The following TTC29 variants were observed in gnomAD, a reference collection of about 807,000 sequenced individuals.
TTC29 encodes the protein tetratricopeptide repeat protein 29.
Under a neutral mutation model 58.1 loss-of-function variants are expected in TTC29, and 49 were observed. The observed-to-expected ratio is 0.84, with a 90% confidence interval of 0.67 to 1.07. The LOEUF (loss-of-function observed/expected upper bound fraction) is 1.07. Among genes scored for constraint, TTC29 ranks in the 50% least tolerant of loss-of-function variants. The probability of loss-of-function intolerance (pLI) is 0.00; values close to 1 mark genes in which losing one functional copy is unlikely to be tolerated. For missense variants in TTC29, 582 were observed against 555.6 expected (o/e 1.05, Z -0.48); for synonymous variants, 209 against 196.8 (o/e 1.06, Z -0.52).
At chr4:146,812,689 C>G (rs991692599) in intron 10 of TTC29, 1 of 152,126 alleles carries the variant, frequency 6.6e-6, no homozygotes, top group Non-Finnish European at 1.5e-5. Context: ...TCTAGTTTCT[C>G]TATTTTAAAA....
At chr4:146,815,234 T>C (rs1751319721) in intron 10 of TTC29, among the ~76,000 whole-genome samples, 1 of 152,116 alleles carries the variant, frequency 6.6e-6, no homozygotes, top group Admixed American at 6.5e-5. Context: ...TGTCATAAAC[T>C]GATGTGACAG....
At chr4:146,755,149 AC>A (rs1463172902) in intron 11 of TTC29, among the ~76,000 whole-genome samples, 13 of 152,284 alleles carry the variant, frequency 8.5e-5, no homozygotes, top group South Asian at 2.1e-4. Context: ...GCATAAAAAA[AC>A]ATAGGAATAA....
intron 11 of TTC29, among the ~76,000 whole-genome samples, chr4:146,748,420 T>C (rs1441649446): frequency 6.6e-6 from 1 of 152,000 alleles, no homozygotes; most frequent in Non-Finnish European, 1.5e-5. Context: ...CCACTGCCAC[T>C]CCAAACACCT....
chr4:146,899,585 G>A (rs900572021), intron 6 of TTC29, among the ~76,000 whole-genome samples: 9 of 152,092 alleles, frequency 5.9e-5, no homozygotes, highest in South Asian at 4.1e-4. Context: ...AGGCCATGCC[G>A]CACACCAAAG....
rs149440898 is a variant in TTC29 at position 146,875,073 on chromosome 4, T to C, written c.587-145A>G. ...TTCTAAGGCTGAAGATGAATTAAAC[T>C]GGGAAAGGAGTGATCTCTAATTGGA... On this transcript the variant is annotated intron_variant, in intron 6 of 12. Coordinates refer to ENST00000325106, the MANE Select transcript of TTC29 (RefSeq NM_031956.4). The C allele has an allele frequency of 2.1e-4, 142 of 668,298 alleles. No individual in the cohort carries two copies. The African/African-American group carries it at 2.2e-3, about 10-fold the overall frequency. The allele number at this position is 668,298 out of a possible 1,614,324, so 41.4% of individuals were successfully genotyped here.
intron 11 of TTC29, among the ~76,000 whole-genome samples, chr4:146,753,526 A>G (rs989076137): frequency 3.3e-5 from 5 of 152,240 alleles, no homozygotes; most frequent in Admixed American, 6.5e-5. Flanking sequence ...TAGAAATACC[A>G]TTTGACCCAG....
chr4:146,849,797 C>T (rs1031531083), intron 8 of TTC29, among the ~76,000 whole-genome samples: 2 of 152,146 alleles, frequency 1.3e-5, no homozygotes, highest in African/African-American at 2.4e-5. Context: ...GGCACACTGC[C>T]ACCTTAAGGC....
At chr4:146,794,766 C>T (rs1341435902) in intron 11 of TTC29, among the ~76,000 whole-genome samples, 1 of 151,834 alleles carries the variant, frequency 6.6e-6, no homozygotes, top group Admixed American at 6.6e-5. Context: ...GATTAGCTGC[C>T]GATATCATGA....
intron 10 of TTC29, among the ~76,000 whole-genome samples, chr4:146,807,697 CA>C (rs1431442018): frequency 1.3e-5 from 2 of 152,010 alleles, no homozygotes; most frequent in Non-Finnish European, 2.9e-5. Flanking sequence ...AGGAAGAAGT[CA>C]AATCCCTGAA....
intron 11 of TTC29, among the ~76,000 whole-genome samples, chr4:146,773,997 T>C (rs534892928): frequency 1.3e-5 from 2 of 152,308 alleles, no homozygotes; most frequent in South Asian, 2.1e-4. Flanking sequence ...CAGGAATTTA[T>C]CTATTTCTTC....
chr4:146,875,431 C>T (rs1731192950), intron 6 of TTC29, among the ~76,000 whole-genome samples: 1 of 152,142 alleles, frequency 6.6e-6, no homozygotes, highest in Non-Finnish European at 1.5e-5. Context: ...GGAAATCTAA[C>T]TCTAGAGCTG....
At chr4:146,942,913 A>G (rs1736544794) in intron 2 of TTC29, 1 of 293,854 alleles carries the variant, frequency 3.4e-6, no homozygotes, top group South Asian at 1.3e-4. Context: ...CTTGAATACT[A>G]AGAACATCCA....
At chr4:146,771,844 G>A (rs1747758972) in intron 11 of TTC29, among the ~76,000 whole-genome samples, 1 of 152,142 alleles carries the variant, frequency 6.6e-6, no homozygotes, top group South Asian at 2.1e-4. Flanking sequence ...CGCAATGGCT[G>A]AACTAATTTG....
intron 11 of TTC29, among the ~76,000 whole-genome samples, chr4:146,737,813 T>C (rs550255489): frequency 2.0e-5 from 3 of 152,344 alleles, no homozygotes; most frequent in South Asian, 4.1e-4. Flanking sequence ...TTTCTTTCTT[T>C]TCCAAATCAT....
intron 9 of TTC29, among the ~76,000 whole-genome samples, chr4:146,822,489 T>C (rs1328220054): frequency 6.6e-6 from 1 of 152,238 alleles, no homozygotes; most frequent in Non-Finnish European, 1.5e-5. Context: ...CTATCATTGA[T>C]GGGCATTTGG....
At chr4:146,787,360 T>G (rs550624937) in intron 11 of TTC29, among the ~76,000 whole-genome samples, 1 of 152,288 alleles carries the variant, frequency 6.6e-6, no homozygotes, top group African/African-American at 2.4e-5. Context: ...CCTATTATAT[T>G]TTCCATGTTT....
chr4:146,915,747 A>G (rs1305040545), intron 4 of TTC29, among the ~76,000 whole-genome samples: 1 of 152,028 alleles, frequency 6.6e-6, no homozygotes, highest in Non-Finnish European at 1.5e-5. Flanking sequence ...TGTATATTCA[A>G]TTATATGACT....
At chr4:146,920,630 T>A (rs183854756) in intron 4 of TTC29, among the ~76,000 whole-genome samples, 1 of 144,548 alleles carries the variant, frequency 6.9e-6, no homozygotes, top group Non-Finnish European at 1.5e-5. Context: ...AAAAAGTATA[T>A]ACACTTATAA....
Position 146,708,308 on chromosome 4 carries a change from T to TTATA in TTC29, c.1331-761_1331-758dup, listed in dbSNP as rs59963230. Among the ~76,000 whole-genome samples, 350 of 62,038 alleles carry TTATA rather than the reference T, an allele frequency of 5.6e-3. 3 individuals are homozygous for TTATA. The highest frequency in any genetic ancestry group is 0.012 in the African/African-American group (131 of 10,724). The allele number at this position is 62,038 out of a possible 152,430, so 40.7% of individuals were successfully genotyped here. Reference sequence around the variant, plus strand: ...AATAATGAAGTCAAATATGGGAAGTTTATATATATATATATATATATATAT... The same window carrying TTATA: ...AATAATGAAGTCAAATATGGGAAGTTTATATATATATATATATATATATATATAT... On this transcript the variant is annotated intron_variant, in intron 11 of 12. Transcript: ENST00000325106.
Sources: gnomAD v4.1 joint callset for allele counts (sites outside exome capture counted in the v4.1 genomes callset) on GRCh38, gnomAD v4.1.1 for gene constraint, MANE v1.5 for transcripts, NCBI Gene and HGNC (gene_info 2026-07-23, HGNC 2026-07-21) for gene names.